Variants in CEP131 observed in about 807,000 individuals in gnomAD.
CEP131 encodes centrosomal protein of 131 kDa.
Under a neutral mutation model 136.8 loss-of-function variants are expected in CEP131, and 99 were observed. That is an observed-to-expected ratio of 0.72 (90% CI 0.62 to 0.86). CEP131 has a LOEUF of 0.86. Ranked by LOEUF, CEP131 falls within the 40% of genes least tolerant of loss-of-function variation. The pLI is 0.00. For synonymous variants in CEP131, 646 were observed against 612.7 expected (o/e 1.05, Z -0.80); for missense variants, 1,459 against 1,463.0 (o/e 1.00, Z 0.04).
chr17:81,212,305 G>C lies in CEP131; in HGVS notation c.178-3283C>G, dbSNP rs190961683. ...CTACTGCACTCCAGCCTGGGCGACA[G>C]AGCAAGATTCCCTCTCAAAAAAAAA... On this transcript the variant is annotated intron_variant, in intron 2 of 25. Transcript: ENST00000450824. Among the ~76,000 whole-genome samples the C allele has an allele frequency of 3.7e-3, 505 of 137,842 alleles. 2 individuals are homozygous for C. The highest frequency in any genetic ancestry group is 0.012 in the African/African-American group (470 of 37,982). The allele number at this position is 137,842 out of a possible 152,430, so 90.4% of individuals were successfully genotyped here. A position where few individuals can be genotyped will look rare whatever the true frequency, so the allele number is the denominator to read the frequency against.
At chr17:81,196,904 G>C (rs373802038) in intron 14 of CEP131, 26 bp downstream of exon 14, 1 of 1,607,508 alleles carries the variant, frequency 6.2e-7, no homozygotes, top group African/African-American at 1.3e-5. Flanking sequence ...AGCAGGGCCC[G>C]GGATTAGCAG....
chr17:81,191,211 TCA>T lies in CEP131; in HGVS notation c.2745_2746del (p.Ser915ArgfsTer73). On this transcript the variant is annotated frameshift_variant, in exon 22 of 26. Coordinates refer to ENST00000450824, the MANE Select transcript of CEP131 (RefSeq NM_014984.4). LOFTEE classifies it high-confidence loss of function. ...TCCTTACCGGCTCTCGGCAGCCTTC[TCA>T]CTCTCCTCCTTGGCCAGCGCCATGT... 6.2e-7 allele frequency: 1 copy of T among 1,612,792 alleles called. No individual in the cohort carries two copies. Among genetic ancestry groups the T allele is most frequent in the Middle Eastern group, 1.7e-4 (1 of 6,060 alleles).
rs377030923 is a variant in CEP131 at position 81,203,781 on chromosome 17, T to C, written c.516-174A>G. 66 of 590,114 alleles carry C rather than the reference T, an allele frequency of 1.1e-4. No individual in the cohort carries two copies. In the East Asian group the frequency reaches 1.5e-3, roughly 13 times the overall value. The allele number at this position is 590,114 out of a possible 1,614,324, so 36.6% of individuals were successfully genotyped here. On this transcript the variant is annotated intron_variant, in intron 5 of 25. Coordinates refer to ENST00000450824, the MANE Select transcript of CEP131 (RefSeq NM_014984.4). The surrounding 1 kb of genome is among the most constrained non-coding windows in gnomAD (Gnocchi z 4.6). The stretch of plus-strand genomic sequence containing the variant: ...GCCCCTTCCACAGCCTGCGCCCTGA[T>C]GATGGGGTTCTTCCCAGGACAGGAA...
In CEP131 at chr17:81,203,102, C is replaced by T. The variant is rs1385826122; in HGVS notation, c.629+392G>A. On this transcript the variant is annotated intron_variant, in intron 6 of 25. Transcript: ENST00000450824. This position sits in a 1 kb window ranked among gnomAD's most constrained non-coding sequence, Gnocchi z 4.6. ...GGTGGACTCGGGGGCTCCTTTGCCC[C>T]GCTCGGTCCACCCCCGCTGTGACGC... Among the ~76,000 whole-genome samples the T allele has an allele frequency of 6.6e-6, 1 of 152,202 alleles. No homozygotes were observed. The highest frequency in any genetic ancestry group is 1.5e-5 in the Non-Finnish European group (1 of 68,032).
chr17:81,206,256 A>T (rs1173255913), intron 5 of CEP131, among the ~76,000 whole-genome samples: 1 of 152,062 alleles, frequency 6.6e-6, no homozygotes, highest in Non-Finnish European at 1.5e-5. Flanking sequence ...ACCCTGGAGA[A>T]TAACCACACG....
chr17:81,189,891 G>C, intron 25 of CEP131, 24 bp downstream of exon 25: 2 of 1,612,670 alleles, frequency 1.2e-6, no homozygotes, highest in East Asian at 4.5e-5. Context: ...CCGAGGTCCA[G>C]CAGGGCTGGC....
chr17:81,198,545 C>G (rs2061819310), intron 11 of CEP131, among the ~76,000 whole-genome samples: 1 of 152,148 alleles, frequency 6.6e-6, no homozygotes, highest in South Asian at 2.1e-4. Context: ...GGAGTGCAGC[C>G]ACCTGGCCCC....
At chr17:81,199,176 G>A (rs1313146240) in intron 10 of CEP131, among the ~76,000 whole-genome samples, 1 of 152,152 alleles carries the variant, frequency 6.6e-6, no homozygotes, top group African/African-American at 2.4e-5. Context: ...TACTCTGTAG[G>A]GATCCCTACG....
At chr17:81,211,518 C>G (rs1598313925) in intron 2 of CEP131, among the ~76,000 whole-genome samples, 1 of 152,230 alleles carries the variant, frequency 6.6e-6, no homozygotes, top group African/African-American at 2.4e-5. Context: ...GAAGGGGCAG[C>G]AGGCAGAAGC....
In CEP131 at chr17:81,200,120, G is replaced by A. The variant is rs565676031; in HGVS notation, c.906+209C>T. On this transcript the variant is annotated intron_variant, in intron 8 of 25. Coordinates refer to ENST00000450824, the MANE Select transcript of CEP131 (RefSeq NM_014984.4). The stretch of plus-strand genomic sequence containing the variant: ...CCAGCCTGGGATGGACCCAGCAGGC[G>A]TTTCCTGACACCCAGGCCCTGAGGA... The A allele has an allele frequency of 2.1e-3, 1,297 of 609,024 alleles. 31 individuals carry two copies. In the South Asian group the frequency reaches 0.024, roughly 11 times the overall value. 37.7% of individuals were successfully genotyped at this position (609,024 alleles called of 1,614,324 possible).
chr17:81,197,054 C>T lies in CEP131; in HGVS notation c.1649G>A (p.Gly550Glu), dbSNP rs1489158768. The T allele has an allele frequency of 1.3e-6, 2 of 1,586,410 alleles. No homozygotes were observed. Among genetic ancestry groups the T allele is most frequent in the Non-Finnish European group, 1.7e-6 (2 of 1,166,668 alleles). The change falls in exon 14 of 26, where the codon GGG (glycine) becomes GAG (glutamate). Residue 550 changes from glycine (G) to glutamate (E), a missense_variant and splice_region_variant. Coordinates refer to ENST00000450824, the MANE Select transcript of CEP131 (RefSeq NM_014984.4). The stretch of plus-strand genomic sequence containing the variant: ...CCCCGGCCCCGCCTCCGGCACCCAC[C>T]CCTGCAGACACAGCCGAGCGTCAGG... ...GQDQLDSQQE[G>E]WVPEAGPGPL...
At chr17:81,205,780 T>C (rs1175454229) in intron 5 of CEP131, among the ~76,000 whole-genome samples, 1 of 151,926 alleles carries the variant, frequency 6.6e-6, no homozygotes, top group Admixed American at 6.6e-5. Flanking sequence ...GCACCTGTGG[T>C]CCCAGCTGCT....
intron 7 of CEP131, among the ~76,000 whole-genome samples, 153 bp downstream of exon 7, chr17:81,202,087 C>T (rs1197598508): frequency 2.0e-5 from 3 of 147,550 alleles, no homozygotes; most frequent in East Asian, 2.0e-4. Context: ...GGCGACAGAG[C>T]GAGACTCTGT....
In CEP131 at chr17:81,196,689, C is replaced by G; in HGVS notation, c.1899+12G>C. ...GCTGGGTCCGGGCCTCTGCGCTCCC[C>G]GGGCCGCTCACCTGGTCAATGAAGG... is the stretch of plus-strand genomic sequence containing the variant. On this transcript the variant is annotated intron_variant, in intron 15 of 25. Transcript: ENST00000450824. 6.3e-7 allele frequency: 1 copy of G among 1,599,506 alleles called. No individual in the cohort carries two copies.
intron 5 of CEP131, among the ~76,000 whole-genome samples, chr17:81,204,665 A>C (rs112643850): frequency 0.018 from 2,684 of 152,124 alleles, 70 homozygotes; most frequent in African/African-American, 0.057. Flanking sequence ...GAGCAGAGCA[A>C]TGCACGAAAC....
chr17:81,209,074 T>C (rs371506669), intron 2 of CEP131, 52 bp from the exon 3 acceptor site: 1 of 1,371,140 alleles, frequency 7.3e-7, no homozygotes, highest in Non-Finnish European at 1.0e-6. Context: ...CACTCACCAG[T>C]TTGCTCAGCC....
In CEP131 at chr17:81,203,366, C is replaced by T; in HGVS notation, c.629+128G>A. On this transcript the variant is annotated intron_variant, in intron 6 of 25. Transcript: ENST00000450824. The surrounding 1 kb of genome is among the most constrained non-coding windows in gnomAD (Gnocchi z 4.6). ...ACCCCATGCACACTGACCGCATGCC[C>T]TGACCAAGGTAGAACCCTGTGTGAA... 1.4e-6 allele frequency: 1 copy of T among 738,414 alleles called. No homozygotes were observed. The highest frequency in any genetic ancestry group is 1.8e-5 in the South Asian group (1 of 56,812). 45.7% of individuals were successfully genotyped at this position (738,414 alleles called of 1,614,324 possible). A position where few individuals can be genotyped will look rare whatever the true frequency, so the allele number is the denominator to read the frequency against.
intron 8 of CEP131, chr17:81,200,097 A>G: frequency 1.6e-6 from 1 of 608,076 alleles, no homozygotes; most frequent in African/African-American, 1.8e-5. Context: ...GAGACTCTCC[A>G]GCCTGGGATG....
At chr17:81,200,258 A>G in intron 8 of CEP131, 71 bp downstream of exon 8, 1 of 1,220,612 alleles carries the variant, frequency 8.2e-7, no homozygotes, top group Non-Finnish European at 1.2e-6. Context: ...CTGTCCCAGA[A>G]ACTCAAACCC....
Sources: allele counts gnomAD v4.1 joint callset (sites outside exome capture counted in the v4.1 genomes callset), GRCh38; gene constraint gnomAD v4.1.1; non-coding constraint Gnocchi (gnomAD v3.1); transcripts MANE v1.5; gene names NCBI Gene and HGNC (gene_info 2026-07-23, HGNC 2026-07-21).